The following HSD17B12 variants were observed in gnomAD, a reference collection of about 807,000 sequenced individuals.
HSD17B12 encodes the protein very-long-chain 3-oxoacyl-CoA reductase.
HSD17B12 carries 32 observed loss-of-function variants against 39.3 expected under a neutral mutation model. The observed-to-expected ratio is 0.81, with a 90% CI of 0.61 to 1.09. The LOEUF (loss-of-function observed/expected upper bound fraction) is 1.09. HSD17B12 is among the 50% of genes least tolerant of loss of function. HSD17B12 has a pLI of 0.00. For synonymous variants in HSD17B12, 150 were observed against 146.7 expected, an observed-to-expected ratio of 1.02 and a Z score of -0.16; for missense variants, 342 against 382.9, an observed-to-expected ratio of 0.89 and a Z score of 0.89.
intron 8 of HSD17B12, 42 bp from the exon 9 acceptor site, chr11:43,839,957 T>G: frequency 7.0e-7 from 1 of 1,431,818 alleles, no homozygotes; most frequent in South Asian, 1.2e-5. Context: ...GGCAGATTGA[T>G]GTAATGTGTG....
chr11:43,728,135 C>T (rs954452785), intron 1 of HSD17B12, among the ~76,000 whole-genome samples: 1 of 151,886 alleles, frequency 6.6e-6, no homozygotes, highest in African/African-American at 2.4e-5. Context: ...GCACAATCTC[C>T]ACTCACTGCA....
At chr11:43,614,500 C>T in the HSD17B12 span, among the ~76,000 whole-genome samples, 1 of 152,128 alleles carries the variant, frequency 6.6e-6, no homozygotes, top group African/African-American at 2.4e-5. Flanking sequence ...AGCAATGTGA[C>T]TACAATGTGC....
chr11:43,779,163 T>G (rs993535781), intron 3 of HSD17B12, among the ~76,000 whole-genome samples: 1 of 152,224 alleles, frequency 6.6e-6, no homozygotes, highest in Non-Finnish European at 1.5e-5. Context: ...TCACTTTGTC[T>G]TCATCTAGTT....
chr11:43,738,963 G>T (rs1950340492), intron 1 of HSD17B12, among the ~76,000 whole-genome samples: 1 of 152,246 alleles, frequency 6.6e-6, no homozygotes, highest in Admixed American at 6.5e-5. Context: ...CTTTGAGAAA[G>T]TTCACTGGCT....
intron 6 of HSD17B12, among the ~76,000 whole-genome samples, chr11:43,828,430 C>T (rs1311085911): frequency 1.3e-5 from 2 of 151,860 alleles, no homozygotes; most frequent in African/African-American, 2.4e-5. Context: ...CGTGAGCCAC[C>T]GCGCCCGGCC....
At chr11:43,563,927 T>A in the HSD17B12 span, among the ~76,000 whole-genome samples, 2 of 152,192 alleles carry the variant, frequency 1.3e-5, no homozygotes, top group South Asian at 4.1e-4. Context: ...TTTTTCTTTT[T>A]TTTTAGAGAT....
In HSD17B12 at chr11:43,854,863, T is replaced by G; in HGVS notation, c.833T>G (p.Met278Arg). The G allele has an allele frequency of 1.9e-6, 3 of 1,612,666 alleles. No homozygotes were observed. The highest frequency in any genetic ancestry group is 2.5e-6 in the Non-Finnish European group (3 of 1,179,510). ...RTNGYLIHAL[M>R]GSIISNLPSW... ...AATGGATACCTGATCCATGCTCTTATGGTAGGTAGATTTTTTGAATCACAA... is the reference window on the plus strand; with the variant it reads ...AATGGATACCTGATCCATGCTCTTAGGGTAGGTAGATTTTTTGAATCACAA... The change falls in exon 10 of 11, where the codon ATG (methionine) becomes AGG (arginine). Residue 278 changes from methionine (M) to arginine (R), a missense_variant and splice_region_variant. Transcript: ENST00000278353.
the HSD17B12 span, among the ~76,000 whole-genome samples, chr11:43,603,068 T>C: frequency 1.3e-5 from 2 of 152,224 alleles, no homozygotes; most frequent in Admixed American, 1.3e-4. Flanking sequence ...GGAAAAATGT[T>C]GCAGAATAGT....
At chr11:43,580,089 G>A in the HSD17B12 span, among the ~76,000 whole-genome samples, 1 of 151,648 alleles carries the variant, frequency 6.6e-6, no homozygotes, top group African/African-American at 2.4e-5. Flanking sequence ...GGGCAGGAGA[G>A]GATGTGGGAA....
intron 3 of HSD17B12, among the ~76,000 whole-genome samples, chr11:43,766,457 T>C (rs534654691): frequency 6.6e-6 from 1 of 152,364 alleles, no homozygotes; most frequent in South Asian, 2.1e-4. Context: ...GGTCAAGTGA[T>C]GTCCAGTTTT....
intron 1 of HSD17B12, among the ~76,000 whole-genome samples, chr11:43,725,735 T>C (rs1001769352): frequency 4.6e-5 from 7 of 152,206 alleles, no homozygotes; most frequent in Non-Finnish European, 8.8e-5. Context: ...TGGTAAGTTA[T>C]TACTATGTTA....
intron 6 of HSD17B12, chr11:43,829,756 T>C (rs1444853020): frequency 6.6e-6 from 1 of 152,192 alleles, no homozygotes; most frequent in East Asian, 1.9e-4. Context: ...ATTCTGTTTC[T>C]GGTGATCTCA....
intron 8 of HSD17B12, among the ~76,000 whole-genome samples, chr11:43,839,678 T>A (rs1590342297): frequency 6.6e-6 from 1 of 152,046 alleles, no homozygotes; most frequent in African/African-American, 2.4e-5. Flanking sequence ...ATGAAATGAG[T>A]CTTTTGTTAT....
the HSD17B12 span, among the ~76,000 whole-genome samples, chr11:43,580,990 G>C: frequency 6.6e-6 from 1 of 152,052 alleles, no homozygotes; most frequent in Non-Finnish European, 1.5e-5. Flanking sequence ...GGGATAAGAG[G>C]GGATTCGGGG....
At chr11:43,838,471 A>G in intron 8 of HSD17B12, 73 bp downstream of exon 8, 2 of 1,154,878 alleles carry the variant, frequency 1.7e-6, no homozygotes, top group Non-Finnish European at 2.6e-6. Flanking sequence ...ATTAACGTAG[A>G]TTTAACTTTC....
chr11:43,735,025 A>C (rs911730483), intron 1 of HSD17B12, among the ~76,000 whole-genome samples: 1 of 152,212 alleles, frequency 6.6e-6, no homozygotes, highest in African/African-American at 2.4e-5. Context: ...AATAGAATAC[A>C]TTTTGTGTCT....
intron 1 of HSD17B12, among the ~76,000 whole-genome samples, chr11:43,691,556 C>T (rs72908811): frequency 0.052 from 7,897 of 152,258 alleles, 241 homozygotes; most frequent in Middle Eastern, 0.17. Context: ...TCTATGTTCT[C>T]CTAATATATT....
intron 3 of HSD17B12, among the ~76,000 whole-genome samples, chr11:43,773,778 T>C (rs969744093): frequency 2.6e-5 from 4 of 152,228 alleles, no homozygotes; most frequent in Non-Finnish European, 5.9e-5. Flanking sequence ...GTTTTTGTTG[T>C]ATATACCACC....
the HSD17B12 span, among the ~76,000 whole-genome samples, chr11:43,647,235 T>G: frequency 3.9e-5 from 6 of 152,148 alleles, no homozygotes; most frequent in African/African-American, 1.4e-4. Flanking sequence ...TTCTAATCTC[T>G]TGTTTTCCCG....
Sources: gnomAD v4.1 joint callset for allele counts (sites outside exome capture counted in the v4.1 genomes callset) on GRCh38, gnomAD v4.1.1 for gene constraint, MANE v1.5 for transcripts, NCBI Gene and HGNC (gene_info 2026-07-23, HGNC 2026-07-21) for gene names.